Variants in NLGN1 observed in about 807,000 individuals in gnomAD.
NLGN1 encodes neuroligin-1.
In NLGN1, 12 loss-of-function variants were observed where a neutral mutation model predicts 65.5. The ratio of observed to expected loss-of-function variants is 0.18; its 90% CI spans 0.12 to 0.30. NLGN1 has a LOEUF of 0.30. Among genes scored for constraint, NLGN1 ranks in the 10% least tolerant of loss-of-function variants. The pLI is 1.00. For missense variants in NLGN1, 750 were observed against 1,007.1 expected, an observed-to-expected ratio of 0.74 and a Z score of 3.46; for synonymous variants, 350 against 359.5, an observed-to-expected ratio of 0.97 and a Z score of 0.30.
At chr3:174,246,742 TA>T (rs1277869863) in intron 4 of NLGN1, among the ~76,000 whole-genome samples, 21 of 96,382 alleles carry the variant, frequency 2.2e-4, no homozygotes, top group Non-Finnish European at 3.8e-4. Flanking sequence ...TTAATAAAGC[TA>T]TTTTTTTTTT....
At chr3:173,699,953 T>C (rs1419817884) in intron 3 of NLGN1, among the ~76,000 whole-genome samples, 2 of 152,214 alleles carry the variant, frequency 1.3e-5, no homozygotes, top group Middle Eastern at 3.2e-3. Context: ...TGGAGCATAA[T>C]TTATTAAGTG....
chr3:173,466,748 A>G (rs1321092775), intron 2 of NLGN1, among the ~76,000 whole-genome samples: 1 of 152,172 alleles, frequency 6.6e-6, no homozygotes, highest in Non-Finnish European at 1.5e-5. Flanking sequence ...TAGATTTGGA[A>G]AACCATAGAC....
intron 2 of NLGN1, among the ~76,000 whole-genome samples, chr3:173,506,343 A>G (rs1002935227): frequency 6.6e-6 from 1 of 152,048 alleles, no homozygotes; most frequent in African/African-American, 2.4e-5. Context: ...CAACTCTTAG[A>G]TTTAACTGAT....
chr3:173,614,766 A>G (rs1752811731), intron 3 of NLGN1, among the ~76,000 whole-genome samples: 1 of 152,046 alleles, frequency 6.6e-6, no homozygotes, highest in Non-Finnish European at 1.5e-5. Context: ...ACACATATGT[A>G]TATGGAGACA....
At chr3:173,958,981 C>A (rs903547638) in intron 4 of NLGN1, among the ~76,000 whole-genome samples, 16 of 152,188 alleles carry the variant, frequency 1.1e-4, no homozygotes, top group African/African-American at 3.6e-4. Flanking sequence ...GCTCTGAGAT[C>A]AAAGCAAGTG....
chr3:173,574,048 G>A (rs1298059028), intron 2 of NLGN1, among the ~76,000 whole-genome samples: 3 of 125,456 alleles, frequency 2.4e-5, no homozygotes, highest in Non-Finnish European at 3.2e-5. Context: ...GAGCAATAGA[G>A]CGAGACTCCA....
At chr3:173,967,942 C>T (rs1186853291) in intron 4 of NLGN1, among the ~76,000 whole-genome samples, 2 of 152,012 alleles carry the variant, frequency 1.3e-5, no homozygotes, top group African/African-American at 4.8e-5. Flanking sequence ...TAATTTTATC[C>T]CATTAAGCAA....
At chr3:173,450,695 A>G (rs1033568394) in intron 2 of NLGN1, among the ~76,000 whole-genome samples, 2 of 152,218 alleles carry the variant, frequency 1.3e-5, no homozygotes, top group African/African-American at 2.4e-5. Context: ...ACTTTCAGGT[A>G]CAACAATCAG....
chr3:173,450,965 A>G (rs1721390040), intron 2 of NLGN1, among the ~76,000 whole-genome samples: 1 of 151,940 alleles, frequency 6.6e-6, no homozygotes, highest in African/African-American at 2.4e-5. Context: ...CCATTCATCT[A>G]ATTTTTTTTC....
chr3:173,947,843 T>C lies in NLGN1; in HGVS notation c.646+140011T>C, dbSNP rs1199244114. 2.6e-5 allele frequency among the ~76,000 whole-genome samples: 4 copies of C among 152,218 alleles called. No homozygotes were observed. In the South Asian group the frequency reaches 8.3e-4, roughly 31 times the overall value. ...ATACTTGGAATATACAAATTAAGTATAGAGTTAAGCAAATATCTAGTCAAT... is the reference window on the plus strand; with the variant it reads ...ATACTTGGAATATACAAATTAAGTACAGAGTTAAGCAAATATCTAGTCAAT... On this transcript the variant is annotated intron_variant, in intron 4 of 6. Coordinates refer to ENST00000457714, the Ensembl canonical transcript of NLGN1.
chr3:173,537,017 T>C (rs1330806568), intron 2 of NLGN1, among the ~76,000 whole-genome samples: 2 of 152,198 alleles, frequency 1.3e-5, no homozygotes, highest in Admixed American at 1.3e-4. Context: ...ACTTCTCCCT[T>C]ACTCAACATT....
At chr3:174,183,385 C>T (rs928207587) in intron 4 of NLGN1, among the ~76,000 whole-genome samples, 1 of 152,046 alleles carries the variant, frequency 6.6e-6, no homozygotes, top group Non-Finnish European at 1.5e-5. Flanking sequence ...TTTCTTTATA[C>T]CTTCTACCCA....
At chr3:174,197,605 A>C (rs1733705975) in intron 4 of NLGN1, among the ~76,000 whole-genome samples, 1 of 151,342 alleles carries the variant, frequency 6.6e-6, no homozygotes, top group Non-Finnish European at 1.5e-5. Context: ...AGGTGATTGG[A>C]ACGCAGCCCT....
chr3:173,578,441 T>C (rs940174282), intron 2 of NLGN1, among the ~76,000 whole-genome samples: 1 of 152,150 alleles, frequency 6.6e-6, no homozygotes, highest in Non-Finnish European at 1.5e-5. Context: ...CCAACTCTTG[T>C]CTGTGAAGTC....
chr3:173,634,624 C>T (rs1298405995), intron 3 of NLGN1, among the ~76,000 whole-genome samples: 4 of 152,042 alleles, frequency 2.6e-5, no homozygotes, highest in Non-Finnish European at 2.9e-5. Context: ...TTCATTTAAT[C>T]ATTTTCACCT....
At chr3:173,931,503 A>G (rs1200109898) in intron 4 of NLGN1, among the ~76,000 whole-genome samples, 2 of 152,160 alleles carry the variant, frequency 1.3e-5, no homozygotes, top group African/African-American at 2.4e-5. Context: ...TCTTGTGGCT[A>G]TCTAGGAAAG....
At chr3:174,054,797 G>C (rs780030606) in intron 4 of NLGN1, among the ~76,000 whole-genome samples, 1 of 151,896 alleles carries the variant, frequency 6.6e-6, no homozygotes, top group African/African-American at 2.4e-5. Flanking sequence ...GCACTTATTC[G>C]CAATGTCCGA....
intron 4 of NLGN1, among the ~76,000 whole-genome samples, chr3:174,088,245 T>C (rs1437360078): frequency 6.6e-6 from 1 of 152,062 alleles, no homozygotes; most frequent in African/African-American, 2.4e-5. Context: ...TCAGATACTT[T>C]ACGAGAGAAG....
chr3:173,568,899 C>T (rs957038697), intron 2 of NLGN1, among the ~76,000 whole-genome samples: 3 of 152,018 alleles, frequency 2.0e-5, no homozygotes, highest in Non-Finnish European at 2.9e-5. Context: ...AGGGTGGTCT[C>T]GAACTCCTGA....
Sources: gnomAD v4.1 joint callset for allele counts (sites outside exome capture counted in the v4.1 genomes callset) on GRCh38, gnomAD v4.1.1 for gene constraint, MANE v1.5 for transcripts, NCBI Gene and HGNC (gene_info 2026-07-23, HGNC 2026-07-21) for gene names.